Variants in CFAP58 observed in about 807,000 individuals in gnomAD.
CFAP58 encodes the protein cilia and flagella associated protein 58.
CFAP58 carries 88 observed loss-of-function variants against 119.5 expected under a neutral mutation model. The observed-to-expected ratio is 0.74, with a 90% confidence interval of 0.62 to 0.88. The LOEUF (loss-of-function observed/expected upper bound fraction) is 0.88, where lower values mean the gene tolerates loss of function less well. Ranked by LOEUF, CFAP58 falls within the 40% of genes least tolerant of loss-of-function variation. CFAP58 has a pLI of 0.00. For missense variants in CFAP58, 990 were observed against 1,021.2 expected, an observed-to-expected ratio of 0.97 and a Z score of 0.42; for synonymous variants, 365 against 366.3, an observed-to-expected ratio of 1.00 and a Z score of 0.04.
intron 9 of CFAP58, among the ~76,000 whole-genome samples, chr10:104,388,034 A>G (rs2011959230): frequency 6.6e-6 from 1 of 152,242 alleles, no homozygotes; most frequent in Non-Finnish European, 1.5e-5. Context: ...CACTAGATAG[A>G]TATCTTCATA....
chr10:104,380,382 A>G (rs533800065), intron 9 of CFAP58, among the ~76,000 whole-genome samples, 162 bp downstream of exon 9: 1 of 152,272 alleles, frequency 6.6e-6, no homozygotes, highest in Admixed American at 6.5e-5. Context: ...GCTGTTTCCG[A>G]GCTGATTCTG....
chr10:104,368,990 A>T (rs186022486), intron 6 of CFAP58, among the ~76,000 whole-genome samples: 1 of 152,234 alleles, frequency 6.6e-6, no homozygotes, highest in Admixed American at 6.5e-5. Flanking sequence ...TGGAATCATG[A>T]TTTTCACTTC....
rs1415974175 is a variant in CFAP58, at chr10:104,368,362, G to C, written c.793-61G>C. 15 of 1,568,108 alleles carry C rather than the reference G, an allele frequency of 9.6e-6. No homozygotes were observed. In the East Asian group the frequency reaches 1.1e-4, roughly 12 times the overall value. The stretch of plus-strand genomic sequence containing the variant: ...AGGAGGTTTGTGGGGCCCCCTGTGT[G>C]TATATCCAACTATTGTAATCAGATT... On this transcript the variant is annotated intron_variant, in intron 5 of 17. Coordinates refer to ENST00000369704, the MANE Select transcript of CFAP58 (RefSeq NM_001008723.2).
chr10:104,354,500 A>G (rs540257045), intron 1 of CFAP58, among the ~76,000 whole-genome samples: 53 of 151,956 alleles, frequency 3.5e-4, no homozygotes, highest in Non-Finnish European at 6.5e-4. Context: ...AGCCTCTCCA[A>G]TGAGGGGTTA....
intron 15 of CFAP58, among the ~76,000 whole-genome samples, chr10:104,416,514 G>C (rs978966166): frequency 1.3e-5 from 2 of 152,184 alleles, no homozygotes; most frequent in African/African-American, 4.8e-5. Context: ...AAAATGGCTT[G>C]AATGATAGGA....
At chr10:104,453,224 A>G (rs1333220178) in intron 17 of CFAP58, among the ~76,000 whole-genome samples, 1 of 152,130 alleles carries the variant, frequency 6.6e-6, no homozygotes, top group African/African-American at 2.4e-5. Context: ...GCCAAAGTAC[A>G]AGAAAGAATT....
intron 17 of CFAP58, 55 bp from the exon 18 acceptor site, chr10:104,454,367 C>CA (rs750267843): frequency 1.8e-5 from 25 of 1,389,690 alleles, no homozygotes; most frequent in Non-Finnish European, 2.3e-5. Flanking sequence ...TATCAAATGT[C>CA]AAACTTAGAC....
intron 15 of CFAP58, among the ~76,000 whole-genome samples, chr10:104,423,860 T>A (rs930897703): frequency 9.2e-5 from 14 of 152,200 alleles, no homozygotes; most frequent in South Asian, 4.1e-4. Flanking sequence ...TCTGTTGGTG[T>A]TTTACCCAGA....
In CFAP58 at chr10:104,454,630, G is replaced by A. The variant is rs769058946; in HGVS notation, c.*100G>A. On this transcript the variant is annotated 3_prime_UTR_variant, in exon 18 of 18. Coordinates refer to ENST00000369704, the MANE Select transcript of CFAP58 (RefSeq NM_001008723.2). ...TCCTTGGATCATAGAACTGAGTGCT[G>A]AGAATCCAGGATGGAAAGAAATGCA... The A allele has an allele frequency of 1.2e-6, 1 of 811,736 alleles. No homozygotes were observed. Among genetic ancestry groups the A allele is most frequent in the Non-Finnish European group, 2.1e-6 (1 of 478,086 alleles). 50.3% of individuals were successfully genotyped at this position (811,736 alleles called of 1,614,324 possible). A position where few individuals can be genotyped will look rare whatever the true frequency, so the allele number is the denominator to read the frequency against.
intron 9 of CFAP58, among the ~76,000 whole-genome samples, chr10:104,386,395 T>A (rs973273961): frequency 1.3e-4 from 19 of 150,038 alleles, no homozygotes; most frequent in Admixed American, 2.0e-4. Flanking sequence ...AAAAAATAAA[T>A]AAATAAATAA....
intron 9 of CFAP58, among the ~76,000 whole-genome samples, chr10:104,386,827 C>T (rs2011935161): frequency 6.6e-6 from 1 of 152,186 alleles, no homozygotes; most frequent in Non-Finnish European, 1.5e-5. Context: ...TTACTTGTGA[C>T]TATGGGTCTG....
chr10:104,352,794 G>A (rs1414055307), upstream of CFAP58, among the ~76,000 whole-genome samples: 2 of 152,156 alleles, frequency 1.3e-5, no homozygotes, highest in African/African-American at 2.4e-5. Flanking sequence ...CTTATGAAAC[G>A]CTGTGCAGTA....
rs2014817134 is a variant in CFAP58, at chr10:104,371,066, T to C, written c.1090+12T>C. 1.9e-6 allele frequency: 3 copies of C among 1,594,388 alleles called. No individual in the cohort carries two copies. In the East Asian group the frequency reaches 6.8e-5, roughly 36 times the overall value. On this transcript the variant is annotated intron_variant, in intron 7 of 17. Coordinates refer to ENST00000369704, the MANE Select transcript of CFAP58 (RefSeq NM_001008723.2). ...GGGATTAGAGAGAGGTAAACCATTT[T>C]GCGCTTTTATTCATTTAGAAACATT...
At chr10:104,416,771 G>T (rs557446584) in intron 15 of CFAP58, among the ~76,000 whole-genome samples, 3 of 152,286 alleles carry the variant, frequency 2.0e-5, no homozygotes, top group Middle Eastern at 3.4e-3. Context: ...GAACACGTAG[G>T]CCAGGAAAGC....
In CFAP58 at chr10:104,357,802, C is replaced by T. The variant is rs905009724; in HGVS notation, c.10-539C>T. 1.2e-4 allele frequency among the ~76,000 whole-genome samples: 16 copies of T among 136,054 alleles called. No homozygotes were observed. In the South Asian group the frequency reaches 1.7e-3, roughly 15 times the overall value. The allele number at this position is 136,054 out of a possible 152,430, so 89.3% of individuals were successfully genotyped here. A position where few individuals can be genotyped will look rare whatever the true frequency, so the allele number is the denominator to read the frequency against. ...ATGTGTGTTTATATACATATATATA[C>T]ACACATATATATGTACATATATACA... On this transcript the variant is annotated intron_variant, in intron 1 of 17. Coordinates refer to ENST00000369704, the MANE Select transcript of CFAP58 (RefSeq NM_001008723.2).
At chr10:104,425,665 C>G (rs78762754) in intron 15 of CFAP58, among the ~76,000 whole-genome samples, 1 of 152,138 alleles carries the variant, frequency 6.6e-6, no homozygotes, top group Non-Finnish European at 1.5e-5. Flanking sequence ...CATAGTATCC[C>G]GTGGCAGAGT....
chr10:104,378,942 G>A (rs1215055453), intron 8 of CFAP58, among the ~76,000 whole-genome samples: 2 of 151,658 alleles, frequency 1.3e-5, no homozygotes, highest in Non-Finnish European at 2.9e-5. Flanking sequence ...AGGTGCCTGG[G>A]TCCTATCCCA....
intron 15 of CFAP58, among the ~76,000 whole-genome samples, chr10:104,439,367 A>G (rs1316628689): frequency 2.6e-5 from 4 of 152,204 alleles, no homozygotes; most frequent in African/African-American, 9.6e-5. Context: ...AAATTATACT[A>G]TAATATAATG....
chr10:104,372,756 G>A (rs1228218542), intron 7 of CFAP58, among the ~76,000 whole-genome samples: 1 of 152,146 alleles, frequency 6.6e-6, no homozygotes, highest in Non-Finnish European at 1.5e-5. Flanking sequence ...GGAAAAAAAA[G>A]TTTTACCCAT....
Sources: allele counts gnomAD v4.1 joint callset (sites outside exome capture counted in the v4.1 genomes callset), GRCh38; gene constraint gnomAD v4.1.1; transcripts MANE v1.5; gene names NCBI Gene and HGNC (gene_info 2026-07-23, HGNC 2026-07-21).